The following ESR1 variants were observed in gnomAD, a reference collection of about 807,000 sequenced individuals.
ESR1 encodes the protein estrogen receptor.
In ESR1, 12 loss-of-function variants were observed where a neutral mutation model predicts 52.7. That is an observed-to-expected ratio of 0.23 (90% CI 0.15 to 0.37). The LOEUF is 0.37. Among genes scored for constraint, ESR1 ranks in the 10% least tolerant of loss-of-function variants. The pLI is 1.00. For synonymous variants in ESR1, 305 were observed against 316.8 expected (o/e 0.96, Z 0.39); for missense variants, 584 against 779.7 (o/e 0.75, Z 2.99).
chr6:151,958,642 G>T (rs1262844419), intron 4 of ESR1, among the ~76,000 whole-genome samples: 1 of 152,162 alleles, frequency 6.6e-6, no homozygotes, highest in African/African-American at 2.4e-5. Context: ...ACATGAGATT[G>T]TACTGTGTAC....
rs185314497 is a variant in ESR1, at chr6:152,070,333, A to G, written c.1369+9209A>G. Among the ~76,000 whole-genome samples, 12 of 137,590 alleles carry G rather than the reference A, an allele frequency of 8.7e-5. 4 individuals are homozygous for G. In the East Asian group the frequency reaches 2.8e-3, roughly 32 times the overall value. The allele number at this position is 137,590 out of a possible 152,430, so 90.3% of individuals were successfully genotyped here. On this transcript the variant is annotated intron_variant, in intron 6 of 7. Transcript: ENST00000206249. Reference sequence around the variant, plus strand: ...CTCCCTCTGTCCTTGTTCCCAGCATACTAAACTATAGTCTAAAAGACTTTA... The same window carrying G: ...CTCCCTCTGTCCTTGTTCCCAGCATGCTAAACTATAGTCTAAAAGACTTTA...
At chr6:152,049,781 G>T (rs944414367) in intron 5 of ESR1, among the ~76,000 whole-genome samples, 4 of 152,160 alleles carry the variant, frequency 2.6e-5, no homozygotes, top group Non-Finnish European at 5.9e-5. Flanking sequence ...TTCATCCTAC[G>T]AGGGGTTGGA....
At chr6:152,023,388 T>C (rs745643349) in intron 5 of ESR1, among the ~76,000 whole-genome samples, 46 of 152,334 alleles carry the variant, frequency 3.0e-4, no homozygotes, top group Middle Eastern at 3.4e-3. Flanking sequence ...CAGTAGTTAT[T>C]AAAATTTTGC....
chr6:151,779,381 T>G (rs1375166761), intron 2 of ESR1, among the ~76,000 whole-genome samples: 1 of 152,168 alleles, frequency 6.6e-6, no homozygotes, highest in Non-Finnish European at 1.5e-5. Flanking sequence ...GAACAGACAC[T>G]TTTCAAAAGA....
chr6:151,974,050 T>A (rs3020326), intron 4 of ESR1, among the ~76,000 whole-genome samples: 91,267 of 152,006 alleles, frequency 0.6, 29,292 homozygotes, highest in Middle Eastern at 0.72. Context: ...CATGGCTGTG[T>A]TCTGATAAAA....
intron 3 of ESR1, among the ~76,000 whole-genome samples, chr6:151,940,887 A>C (rs1264713928): frequency 2.0e-5 from 3 of 152,254 alleles, no homozygotes; most frequent in Admixed American, 2.0e-4. Flanking sequence ...TAAATGAACA[A>C]ATACTTTGAT....
intron 2 of ESR1, among the ~76,000 whole-genome samples, chr6:151,788,210 G>A (rs775345489): frequency 5.5e-4 from 84 of 152,148 alleles, no homozygotes; most frequent in East Asian, 1.2e-3. Context: ...CAAACTATGC[G>A]TCTAACCAAG....
At chr6:151,761,649 C>G (rs1784667816) in intron 2 of ESR1, among the ~76,000 whole-genome samples, 1 of 152,318 alleles carries the variant, frequency 6.6e-6, no homozygotes, top group African/African-American at 2.4e-5. Context: ...AACAGTCCAT[C>G]TAGAACAGTA....
chr6:152,036,904 C>T (rs1394078139), intron 5 of ESR1, among the ~76,000 whole-genome samples: 1 of 152,170 alleles, frequency 6.6e-6, no homozygotes, highest in Non-Finnish European at 1.5e-5. Flanking sequence ...TTTTAACCAT[C>T]ATTGAGGGCT....
chr6:151,762,748 G>A (rs954663911), intron 2 of ESR1, among the ~76,000 whole-genome samples: 2 of 152,162 alleles, frequency 1.3e-5, no homozygotes, highest in African/African-American at 4.8e-5. Context: ...TGGATCACTT[G>A]AGGTCAGGGG....
intron 3 of ESR1, among the ~76,000 whole-genome samples, chr6:151,927,727 C>CT (rs574266553): frequency 0.025 from 3,700 of 148,072 alleles, 74 homozygotes; most frequent in East Asian, 0.094. Flanking sequence ...TTCTGTCTCT[C>CT]TTTTTTTTTT....
intron 2 of ESR1, among the ~76,000 whole-genome samples, chr6:151,703,334 C>A (rs1403100685): frequency 6.6e-6 from 1 of 152,214 alleles, no homozygotes; most frequent in Non-Finnish European, 1.5e-5. Context: ...TCAGGCCAGT[C>A]TTCTGAGGCT....
At chr6:151,743,887 C>A (rs1783286270) in intron 2 of ESR1, among the ~76,000 whole-genome samples, 1 of 152,120 alleles carries the variant, frequency 6.6e-6, no homozygotes, top group Non-Finnish European at 1.5e-5. Flanking sequence ...CACCCCAGAG[C>A]CACCCCTCCC....
intron 2 of ESR1, among the ~76,000 whole-genome samples, chr6:151,780,649 C>A (rs1484467266): frequency 6.6e-6 from 1 of 152,124 alleles, no homozygotes; most frequent in Non-Finnish European, 1.5e-5. Flanking sequence ...TTCTTTTCTT[C>A]CAAAAAGGTG....
At chr6:151,666,423 G>A (rs1008288875) in intron 1 of ESR1, among the ~76,000 whole-genome samples, 2 of 152,136 alleles carry the variant, frequency 1.3e-5, no homozygotes, top group African/African-American at 4.8e-5. Flanking sequence ...CTGGTAGAAG[G>A]GCCACCCAAG....
chr6:152,022,899 C>A (rs951677177), intron 5 of ESR1, among the ~76,000 whole-genome samples: 5 of 151,526 alleles, frequency 3.3e-5, no homozygotes, highest in Non-Finnish European at 7.4e-5. Context: ...ATCACTTGAA[C>A]CTGGGAGGCA....
At chr6:151,932,722 G>T (rs2033829319) in intron 3 of ESR1, among the ~76,000 whole-genome samples, 2 of 152,032 alleles carry the variant, frequency 1.3e-5, no homozygotes, top group South Asian at 4.2e-4. Flanking sequence ...TCCTTTCCCT[G>T]TTGCTTGTTT....
intron 5 of ESR1, among the ~76,000 whole-genome samples, chr6:152,060,647 A>AAT (rs2047473279): frequency 1.3e-5 from 2 of 152,222 alleles, no homozygotes; most frequent in Admixed American, 1.3e-4. Flanking sequence ...GTAGCAGATC[A>AAT]ATATACGTGT....
intron 6 of ESR1, chr6:152,118,209 T>A (rs1056435973): frequency 1.3e-5 from 2 of 152,184 alleles, no homozygotes; most frequent in African/African-American, 2.4e-5. Context: ...AAATTAGATA[T>A]TGTTTCTATT....
Sources: gnomAD v4.1 joint callset for allele counts (sites outside exome capture counted in the v4.1 genomes callset) on GRCh38, gnomAD v4.1.1 for gene constraint, MANE v1.5 for transcripts, NCBI Gene and HGNC (gene_info 2026-07-23, HGNC 2026-07-21) for gene names.